Variants in ABAT observed in about 807,000 individuals in gnomAD.
The protein encoded by ABAT is 4-aminobutyrate aminotransferase, also known as 4-aminobutyrate aminotransferase, mitochondrial.
ABAT carries 45 observed loss-of-function variants against 64.6 expected under a neutral mutation model. That is an observed-to-expected ratio of 0.70 (90% CI 0.55 to 0.89). ABAT has a LOEUF of 0.89. Among genes scored for constraint, ABAT ranks in the 40% least tolerant of loss-of-function variants. The probability of loss-of-function intolerance (pLI) is 0.00; values close to 1 mark genes in which losing one functional copy is unlikely to be tolerated. For synonymous variants in ABAT, 297 were observed against 250.5 expected (o/e 1.19, Z -1.75); for missense variants, 633 against 658.4 (o/e 0.96, Z 0.42).
intron 1 of ABAT, among the ~76,000 whole-genome samples, chr16:8,725,019 C>G (rs188339341): frequency 4.0e-4 from 60 of 151,798 alleles, no homozygotes; most frequent in African/African-American, 1.4e-3. Context: ...CGGGTCCAAG[C>G]GATTCTCCCG....
At chr16:8,701,430 C>T (rs1308973861) in intron 1 of ABAT, among the ~76,000 whole-genome samples, 1 of 152,242 alleles carries the variant, frequency 6.6e-6, no homozygotes, top group East Asian at 1.9e-4. Context: ...ATTGGCCAGG[C>T]CCTGCCCTTA....
At chr16:8,747,485 G>C (rs1212598564) in intron 3 of ABAT, among the ~76,000 whole-genome samples, 1 of 152,040 alleles carries the variant, frequency 6.6e-6, no homozygotes, top group African/African-American at 2.4e-5. Flanking sequence ...TAATCTAGTA[G>C]TAGTAAAATT....
At chr16:8,743,344 G>C (rs1641006) in intron 2 of ABAT, among the ~76,000 whole-genome samples, 95,261 of 145,506 alleles carry the variant, frequency 0.65, 32,862 homozygotes, top group East Asian at 0.78. Flanking sequence ...GTGTGTGTGT[G>C]TGTGTGTGTC....
At chr16:8,681,283 G>A (rs550267832) in intron 1 of ABAT, among the ~76,000 whole-genome samples, 2 of 151,298 alleles carry the variant, frequency 1.3e-5, no homozygotes, top group South Asian at 4.2e-4. Context: ...GAACTGCCTC[G>A]CCTGGCCCAG....
rs2057653218 is a variant in ABAT at position 8,694,303 on chromosome 16, G to A, written c.-42+19592G>A. Among the ~76,000 whole-genome samples, 7 of 151,176 alleles carry A rather than the reference G, an allele frequency of 4.6e-5. No homozygotes were observed. The South Asian group carries it at 1.5e-3, about 32-fold the overall frequency. ...CTTCCAAAGTGCTAGGATTACAGGCGTGAGCCACCGCGCCCGGCCCACTCC... is the reference window on the plus strand; with the variant it reads ...CTTCCAAAGTGCTAGGATTACAGGCATGAGCCACCGCGCCCGGCCCACTCC... On this transcript the variant is annotated intron_variant, in intron 1 of 15. Transcript: ENST00000268251.
intron 1 of ABAT, among the ~76,000 whole-genome samples, chr16:8,680,046 C>T (rs2057296332): frequency 6.6e-6 from 1 of 152,132 alleles, no homozygotes; most frequent in African/African-American, 2.4e-5. Flanking sequence ...CCTTCAAAAG[C>T]TATCTCACAT....
At chr16:8,678,382 C>A (rs1044798000) in intron 1 of ABAT, among the ~76,000 whole-genome samples, 2 of 152,266 alleles carry the variant, frequency 1.3e-5, no homozygotes, top group Admixed American at 1.3e-4. Flanking sequence ...TAAGCCACAG[C>A]ACCCAACCTA....
intron 1 of ABAT, among the ~76,000 whole-genome samples, chr16:8,692,566 A>G (rs9939980): frequency 0.011 from 1,610 of 152,298 alleles, 24 homozygotes; most frequent in African/African-American, 0.033. Context: ...AAATCCCCCC[A>G]AAAGGGCCTG....
intron 13 of ABAT, among the ~76,000 whole-genome samples, chr16:8,775,667 G>A (rs1440496792): frequency 6.6e-6 from 1 of 152,170 alleles, no homozygotes; most frequent in Non-Finnish European, 1.5e-5. Context: ...AATGGCTTCT[G>A]ATGCTCCAGC....
At chr16:8,692,460 C>A (rs2057605784) in intron 1 of ABAT, among the ~76,000 whole-genome samples, 1 of 152,172 alleles carries the variant, frequency 6.6e-6, no homozygotes, top group South Asian at 2.1e-4. Flanking sequence ...AAGAAGGAGG[C>A]AGTTGAGCAG....
chr16:8,757,875 A>G, intron 6 of ABAT, 69 bp downstream of exon 6: 2 of 1,514,332 alleles, frequency 1.3e-6, no homozygotes, highest in Admixed American at 1.7e-5. Flanking sequence ...CACTGGGCAG[A>G]CTTTGGCAAT....
chr16:8,683,595 G>A (rs957579550), intron 1 of ABAT: 1 of 150,842 alleles, frequency 6.6e-6, no homozygotes, highest in Non-Finnish European at 1.5e-5. Context: ...GAACTGAAAT[G>A]CTGCTATGAT....
chr16:8,748,084 T>A (rs759927778), intron 3 of ABAT, 24 bp from the exon 4 acceptor site: 8 of 1,612,208 alleles, frequency 5.0e-6, no homozygotes, highest in Non-Finnish European at 6.8e-6. Context: ...CTTGCTATAA[T>A]GCTTTTGTTG....
intron 1 of ABAT, among the ~76,000 whole-genome samples, chr16:8,685,102 T>A (rs1376481160): frequency 1.4e-5 from 2 of 144,194 alleles, no homozygotes; most frequent in African/African-American, 5.1e-5. Flanking sequence ...TTGGGCAACA[T>A]GGTGAAACCC....
At chr16:8,769,519 A>G (rs2060040840) in intron 11 of ABAT, among the ~76,000 whole-genome samples, 1 of 146,780 alleles carries the variant, frequency 6.8e-6, no homozygotes, top group East Asian at 2.0e-4. Context: ...AGATTGCACC[A>G]CTGCACTCCA....
intron 4 of ABAT, among the ~76,000 whole-genome samples, chr16:8,748,593 C>G (rs2059395659): frequency 6.6e-6 from 1 of 152,154 alleles, no homozygotes; most frequent in African/African-American, 2.4e-5. Flanking sequence ...CCTTGCTAAT[C>G]TTCTCCCTAG....
chr16:8,699,664 C>T (rs1488777109), intron 1 of ABAT, among the ~76,000 whole-genome samples: 2 of 151,428 alleles, frequency 1.3e-5, no homozygotes, highest in Non-Finnish European at 2.9e-5. Context: ...TGGGCTTAAA[C>T]GATCCTCCAA....
intron 6 of ABAT, among the ~76,000 whole-genome samples, chr16:8,762,285 C>T (rs1250850692): frequency 1.3e-5 from 2 of 152,224 alleles, no homozygotes. Flanking sequence ...CACAGCAGGC[C>T]TGACCAAGTA....
At chr16:8,738,398 T>C (rs1008977844) in intron 2 of ABAT, 26 of 455,736 alleles carry the variant, frequency 5.7e-5, no homozygotes, top group Non-Finnish European at 1.0e-4. Flanking sequence ...CAGACTTTTA[T>C]TTGGCTTTCA....
Sources: gnomAD v4.1 joint callset for allele counts (sites outside exome capture counted in the v4.1 genomes callset) on GRCh38, gnomAD v4.1.1 for gene constraint, MANE v1.5 for transcripts, NCBI Gene and HGNC (gene_info 2026-07-23, HGNC 2026-07-21) for gene names.